The following SMARCC1 variants were observed in gnomAD, a reference collection of about 807,000 sequenced individuals.
SMARCC1 encodes SWI/SNF related BAF chromatin remodeling complex subunit C1, also known as SWI/SNF complex subunit SMARCC1.
In SMARCC1, 43 loss-of-function variants were observed where a neutral mutation model predicts 147.4. The ratio of observed to expected loss-of-function variants is 0.29; its 90% CI spans 0.23 to 0.38. SMARCC1 has a LOEUF of 0.38. Among genes scored for constraint, SMARCC1 ranks in the 10% least tolerant of loss-of-function variants. The pLI is 1.00. For missense variants in SMARCC1, 1,119 were observed against 1,381.1 expected (o/e 0.81, Z 3.01); for synonymous variants, 495 against 484.4 (o/e 1.02, Z -0.29).
At chr3:47,614,088 C>T (rs2032604228) in intron 25 of SMARCC1, among the ~76,000 whole-genome samples, 1 of 152,178 alleles carries the variant, frequency 6.6e-6, no homozygotes, top group African/African-American at 2.4e-5. Context: ...AGTAAATAAT[C>T]ACACCTTCCT....
intron 2 of SMARCC1, chr3:47,746,386 C>T (rs989901090): frequency 1.9e-5 from 3 of 157,136 alleles, no homozygotes; most frequent in Non-Finnish European, 4.2e-5. Flanking sequence ...GTTGAGCCTG[C>T]GGTGAGCCCT....
intron 21 of SMARCC1, among the ~76,000 whole-genome samples, chr3:47,640,207 T>C (rs2033030273): frequency 6.7e-6 from 1 of 149,726 alleles, no homozygotes; most frequent in African/African-American, 2.5e-5. Context: ...TATGAGATAG[T>C]GAAAAAAGAA....
intron 2 of SMARCC1, among the ~76,000 whole-genome samples, chr3:47,763,653 GA>G (rs996023019): frequency 2.5e-4 from 37 of 150,270 alleles, no homozygotes; most frequent in Admixed American, 1.1e-3. Flanking sequence ...TTTTTTTTAA[GA>G]AAAAAAATAT....
chr3:47,720,868 T>C (rs1376771856), intron 6 of SMARCC1, 133 bp from the exon 7 acceptor site: 9 of 725,650 alleles, frequency 1.2e-5, no homozygotes, highest in Middle Eastern at 5.3e-4. Flanking sequence ...TGTTGCTGGT[T>C]TGGAAAGAAA....
chr3:47,709,199 T>C (rs1401256166), intron 9 of SMARCC1, among the ~76,000 whole-genome samples: 2 of 151,450 alleles, frequency 1.3e-5, no homozygotes, highest in Non-Finnish European at 2.9e-5. Flanking sequence ...AGGCAGACAT[T>C]GCATTCAGCC....
intron 19 of SMARCC1, among the ~76,000 whole-genome samples, chr3:47,665,373 C>T (rs1034360636): frequency 1.3e-5 from 2 of 152,060 alleles, no homozygotes; most frequent in African/African-American, 2.4e-5. Context: ...CTCGGGTCCA[C>T]GGAAGTAGAA....
At chr3:47,688,137 G>A (rs1163149448) in intron 13 of SMARCC1, among the ~76,000 whole-genome samples, 1 of 152,068 alleles carries the variant, frequency 6.6e-6, no homozygotes, top group Admixed American at 6.6e-5. Context: ...GTGCATGCCT[G>A]TAATCCCAGC....
intron 5 of SMARCC1, among the ~76,000 whole-genome samples, chr3:47,735,374 G>A (rs190923174): frequency 2.9e-4 from 44 of 152,262 alleles, no homozygotes; most frequent in Non-Finnish European, 3.7e-4. Flanking sequence ...AAAGAGGCCA[G>A]GTATGGTGGC....
intron 1 of SMARCC1, among the ~76,000 whole-genome samples, chr3:47,778,209 AC>A (rs71637594): frequency 0.014 from 2,052 of 144,676 alleles, 220 homozygotes; most frequent in African/African-American, 0.052. Context: ...AAAACAAAAA[AC>A]AAAAAACAAA....
intron 6 of SMARCC1, among the ~76,000 whole-genome samples, chr3:47,722,436 T>G (rs1237189465): frequency 6.6e-6 from 1 of 151,812 alleles, no homozygotes; most frequent in Admixed American, 6.6e-5. Context: ...TAGCTGGGAT[T>G]ACAGGCATGC....
At chr3:47,591,974 T>TCCA (rs2032190982) in intron 26 of SMARCC1, among the ~76,000 whole-genome samples, 1 of 152,242 alleles carries the variant, frequency 6.6e-6, no homozygotes, top group African/African-American at 2.4e-5. Context: ...TTTCTTTAAA[T>TCCA]CCAGGGGCTT....
chr3:47,759,627 A>AG (rs2034749702), intron 2 of SMARCC1, among the ~76,000 whole-genome samples: 2 of 148,922 alleles, frequency 1.3e-5, no homozygotes, highest in South Asian at 4.2e-4. Flanking sequence ...TCAAAAAAAA[A>AG]AAAAAAAAAG....
At chr3:47,635,432 A>G in intron 23 of SMARCC1, 88 bp from the exon 24 acceptor site, 1 of 1,126,118 alleles carries the variant, frequency 8.9e-7, no homozygotes, top group Non-Finnish European at 1.3e-6. Flanking sequence ...ACAAACTAGG[A>G]CTGATATGAC....
chr3:47,748,913 T>C (rs1428672425), intron 2 of SMARCC1, among the ~76,000 whole-genome samples: 1 of 152,154 alleles, frequency 6.6e-6, no homozygotes, highest in Non-Finnish European at 1.5e-5. Flanking sequence ...CTCCATCCCA[T>C]AATCCCAAAC....
intron 22 of SMARCC1, among the ~76,000 whole-genome samples, chr3:47,636,786 ATATGTGTGTGTGTGTGTGTGTG>A (rs1232937568): frequency 5.3e-4 from 75 of 141,026 alleles, no homozygotes; most frequent in Admixed American, 4.0e-3. Flanking sequence ...CAAAATATAT[ATATGTGTGTGTGTGTGTGTGTG>A]TGTGTGTGTG....
intron 26 of SMARCC1, among the ~76,000 whole-genome samples, chr3:47,592,988 T>C (rs1219792280): frequency 6.6e-6 from 1 of 151,766 alleles, no homozygotes. Context: ...CCTGGCTCTT[T>C]TTTTTATTTT....
intron 5 of SMARCC1, among the ~76,000 whole-genome samples, chr3:47,734,984 T>C (rs553799000): frequency 3.3e-5 from 5 of 152,164 alleles, no homozygotes; most frequent in Non-Finnish European, 7.3e-5. Context: ...CTCAATCTCT[T>C]GACCTCGTGA....
At chr3:47,774,850 AG>A (rs1162651333) in intron 1 of SMARCC1, among the ~76,000 whole-genome samples, 3 of 151,886 alleles carry the variant, frequency 2.0e-5, no homozygotes, top group Admixed American at 1.3e-4. Context: ...GCTGTCTCCC[AG>A]GATGGAATAC....
chr3:47,723,044 G>A (rs959337125), intron 6 of SMARCC1, among the ~76,000 whole-genome samples: 3 of 152,136 alleles, frequency 2.0e-5, no homozygotes, highest in Non-Finnish European at 2.9e-5. Context: ...TAGAAAAGGG[G>A]AAATACTGGT....
Sources: allele counts gnomAD v4.1 joint callset (sites outside exome capture counted in the v4.1 genomes callset), GRCh38; gene constraint gnomAD v4.1.1; transcripts MANE v1.5; gene names NCBI Gene and HGNC (gene_info 2026-07-23, HGNC 2026-07-21).